Variants in DTNA observed in about 807,000 individuals in gnomAD.
DTNA encodes dystrobrevin alpha, also known as dystrophin-related protein 3.
In DTNA, 43 loss-of-function variants were observed where a neutral mutation model predicts 100.7. The ratio of observed to expected loss-of-function variants is 0.43; its 90% CI spans 0.33 to 0.55. DTNA has a LOEUF of 0.55. Ranked by LOEUF, DTNA falls within the 20% of genes least tolerant of loss-of-function variation. The pLI is 0.04. For missense variants in DTNA, 798 were observed against 953.9 expected, an observed-to-expected ratio of 0.84 and a Z score of 2.15; for synonymous variants, 349 against 347.9, an observed-to-expected ratio of 1.00 and a Z score of -0.04.
intron 4 of DTNA, among the ~76,000 whole-genome samples, chr18:34,798,697 C>G (rs1489983540): frequency 6.6e-6 from 1 of 152,098 alleles, no homozygotes; most frequent in African/African-American, 2.4e-5. Flanking sequence ...TTAAAAGGAA[C>G]AGTGATTTTC....
intron 8 of DTNA, among the ~76,000 whole-genome samples, chr18:34,819,879 A>G (rs1014336307): frequency 1.3e-5 from 2 of 151,990 alleles, no homozygotes; most frequent in Admixed American, 1.3e-4. Flanking sequence ...TATGGACTCT[A>G]GGTATAAAAG....
At chr18:34,666,752 G>A (rs1002027620) in intron 1 of DTNA, among the ~76,000 whole-genome samples, 1 of 152,064 alleles carries the variant, frequency 6.6e-6, no homozygotes, top group Non-Finnish European at 1.5e-5. Context: ...TATTATTTCT[G>A]AGGCCTCTGT....
intron 1 of DTNA, among the ~76,000 whole-genome samples, chr18:34,595,649 GT>G (rs2050443612): frequency 6.6e-6 from 1 of 152,102 alleles, no homozygotes. Flanking sequence ...CTTCCTGCTA[GT>G]TCTCATTCAT....
chr18:34,747,120 ATGTT>A (rs2091732900), intron 1 of DTNA, among the ~76,000 whole-genome samples: 1 of 132,752 alleles, frequency 7.5e-6, no homozygotes, highest in African/African-American at 2.7e-5. Flanking sequence ...ATATATATAT[ATGTT>A]TATGTATATT....
At chr18:34,814,668 G>A (rs1031934736) in intron 6 of DTNA, among the ~76,000 whole-genome samples, 7 of 151,880 alleles carry the variant, frequency 4.6e-5, no homozygotes, top group African/African-American at 1.7e-4. Context: ...CTCCAGCCTG[G>A]GCAGCAGAGT....
intron 11 of DTNA, among the ~76,000 whole-genome samples, chr18:34,832,528 G>A (rs2096039598): frequency 1.3e-5 from 2 of 152,098 alleles, no homozygotes; most frequent in South Asian, 4.1e-4. Context: ...CTTTCCTAGA[G>A]GCTCTCCTGA....
In DTNA at chr18:34,580,502, C is replaced by T. The variant is rs60790560; in HGVS notation, c.-2+86988C>T. On this transcript the variant is annotated intron_variant, in intron 1 of 19. Transcript: ENST00000283365. ...GGGGATGCAGGGAGACTGGATTAAT[C>T]TAATATGATTAGATATGAATGTAAG... 5.4e-3 allele frequency among the ~76,000 whole-genome samples: 815 copies of T among 152,150 alleles called. 9 individuals carry two copies. The highest frequency in any genetic ancestry group is 0.019 in the African/African-American group (781 of 41,502).
chr18:34,866,732 A>C, intron 17 of DTNA: 1 of 989,742 alleles, frequency 1.0e-6, no homozygotes, highest in Non-Finnish European at 1.2e-6. Context: ...ATAACTGACT[A>C]TTCACGTCCC....
At chr18:34,546,116 A>G (rs962109373) in intron 1 of DTNA, among the ~76,000 whole-genome samples, 1 of 152,134 alleles carries the variant, frequency 6.6e-6, no homozygotes, top group Non-Finnish European at 1.5e-5. Context: ...TGAAAAATGA[A>G]CTAATTGGTA....
At chr18:34,766,985 T>A (rs1163027662) in intron 3 of DTNA, among the ~76,000 whole-genome samples, 1 of 152,186 alleles carries the variant, frequency 6.6e-6, no homozygotes, top group African/African-American at 2.4e-5. Context: ...AGTCTTATTC[T>A]CTGCTGGGTC....
In DTNA at chr18:34,615,737, C is replaced by A. The variant is rs2579812; in HGVS notation, c.-2+122223C>A. On this transcript the variant is annotated intron_variant, in intron 1 of 19. Transcript: ENST00000283365. ...TAGGCAACTTTACAGACCTCACACTCCTCCCACCCTCCACTCTGAAGTAGG... is the reference window on the plus strand; with the variant it reads ...TAGGCAACTTTACAGACCTCACACTACTCCCACCCTCCACTCTGAAGTAGG... 2.1e-3 allele frequency among the ~76,000 whole-genome samples: 323 copies of A among 152,208 alleles called. 3 individuals are homozygous for A. Among genetic ancestry groups the A allele is most frequent in the African/African-American group, 7.5e-3 (310 of 41,526 alleles).
intron 1 of DTNA, among the ~76,000 whole-genome samples, chr18:34,619,942 C>A (rs1599147677): frequency 6.6e-6 from 1 of 152,130 alleles, no homozygotes; most frequent in Non-Finnish European, 1.5e-5. Context: ...TTAATTGTAT[C>A]ATCATGAGAC....
chr18:34,747,104 C>CTATATATATATATATATATATA (rs35537934), intron 1 of DTNA, among the ~76,000 whole-genome samples: 25 of 148,302 alleles, frequency 1.7e-4, no homozygotes, highest in African/African-American at 6.3e-4. Flanking sequence ...ATATCTGTAT[C>CTATATATATATATATATATATA]TATATATATA....
chr18:34,861,803 T>C (rs1462219945), intron 16 of DTNA, among the ~76,000 whole-genome samples: 1 of 152,144 alleles, frequency 6.6e-6, no homozygotes, highest in African/African-American at 2.4e-5. Context: ...GTAAGATAAA[T>C]GTACAATTAG....
At chr18:34,799,170 A>G (rs542413162) in intron 4 of DTNA, among the ~76,000 whole-genome samples, 2 of 152,280 alleles carry the variant, frequency 1.3e-5, no homozygotes, top group African/African-American at 2.4e-5. Flanking sequence ...GCTACCCAGA[A>G]CTACAAGTCC....
At chr18:34,785,174 A>G (rs1175032340) in intron 3 of DTNA, among the ~76,000 whole-genome samples, 1 of 152,062 alleles carries the variant, frequency 6.6e-6, no homozygotes, top group African/African-American at 2.4e-5. Context: ...CAGCCTCCCA[A>G]AGTGCCAGGA....
chr18:34,575,825 T>G (rs2048062694), intron 1 of DTNA, among the ~76,000 whole-genome samples: 2 of 152,148 alleles, frequency 1.3e-5, no homozygotes, highest in Admixed American at 6.5e-5. Context: ...TCTTCCCCAT[T>G]TTCCCCTAGA....
At chr18:34,511,334 A>ATTT (rs2041068917) in intron 1 of DTNA, among the ~76,000 whole-genome samples, 1 of 152,138 alleles carries the variant, frequency 6.6e-6, no homozygotes, top group Non-Finnish European at 1.5e-5. Flanking sequence ...AATCCTACTC[A>ATTT]GTAACCCTTT....
chr18:34,827,245 A>C (rs569944167), intron 9 of DTNA, among the ~76,000 whole-genome samples: 80 of 151,448 alleles, frequency 5.3e-4, no homozygotes, highest in Non-Finnish European at 9.6e-4. Flanking sequence ...TCAGGTCTTC[A>C]AGGCTTCTTG....
Sources: gnomAD v4.1 joint callset for allele counts (sites outside exome capture counted in the v4.1 genomes callset) on GRCh38, gnomAD v4.1.1 for gene constraint, MANE v1.5 for transcripts, NCBI Gene and HGNC (gene_info 2026-07-23, HGNC 2026-07-21) for gene names.